The following ZDBF2 variants were observed in gnomAD, a reference collection of about 807,000 sequenced individuals.
The protein encoded by ZDBF2 is DBF4-type zinc finger-containing protein 2.
Under a neutral mutation model 9.4 loss-of-function variants are expected in ZDBF2, and 6 were observed. The observed-to-expected ratio is 0.64, with a 90% confidence interval of 0.35 to 1.27. The LOEUF (loss-of-function observed/expected upper bound fraction) is 1.27, where lower values mean the gene tolerates loss of function less well. ZDBF2 is among the 50% of genes most tolerant of loss of function. The pLI, the probability that ZDBF2 is intolerant of heterozygous loss-of-function variation, is 0.03. For missense variants in ZDBF2, 2,697 were observed against 2,766.8 expected, an observed-to-expected ratio of 0.97 and a Z score of 0.57; for synonymous variants, 905 against 946.3, an observed-to-expected ratio of 0.96 and a Z score of 0.80.
At chr2:206,276,842 A>G (rs1691032194) in intron 1 of ZDBF2, among the ~76,000 whole-genome samples, 1 of 152,240 alleles carries the variant, frequency 6.6e-6, no homozygotes, top group Non-Finnish European at 1.5e-5. Context: ...TATTTTATTA[A>G]GACTGAATAG....
chr2:206,294,078 C>T (rs1014420965), intron 3 of ZDBF2, among the ~76,000 whole-genome samples: 1 of 151,910 alleles, frequency 6.6e-6, no homozygotes, highest in Non-Finnish European at 1.5e-5. Flanking sequence ...ACAGATTCAG[C>T]CAATATGTAT....
chr2:206,307,688 G>T lies in ZDBF2; in HGVS notation c.3160G>T (p.Asp1054Tyr). 6.2e-7 allele frequency: 1 copy of T among 1,613,394 alleles called. No individual in the cohort carries two copies. Among genetic ancestry groups the T allele is most frequent in the South Asian group, 1.1e-5 (1 of 90,880 alleles). ...DSNVPPQSMT[D>Y]QPQLAFLKEK... Reference sequence around the variant, plus strand: ...TAATGTTCCACCTCAGTCAATGACTGACCAACCTCAACTAGCTTTTTTGAA... The same window carrying T: ...TAATGTTCCACCTCAGTCAATGACTTACCAACCTCAACTAGCTTTTTTGAA... The change falls in exon 5 of 5, where the codon GAC becomes TAC. Residue 1054 changes from aspartate (D) to tyrosine (Y), a missense_variant. By Grantham distance (160) the Asp-to-Tyr change is radical. Transcript: ENST00000374423.
chr2:206,307,463 T>C lies in ZDBF2; in HGVS notation c.2935T>C (p.Trp979Arg). The change falls in exon 5 of 5, where the codon TGG becomes CGG. Residue 979 changes from tryptophan to arginine, a missense_variant. Physicochemically the swap from Trp to Arg is moderately radical, Grantham distance 101 (BLOSUM62 -3). Around this residue, in one of 3 missense-constraint regions of ZDBF2, gnomAD observed 1,783 missense variants for 1,776.5 expected, o/e 1.00. Coordinates refer to ENST00000374423, the MANE Select transcript of ZDBF2 (RefSeq NM_020923.3). The part of the protein sequence containing the change: ...HKPEVIVKET[W>R]LQREKHAEFQ... ...ACCTGAAGTAATTGTCAAAGAAACA[T>C]GGCTTCAAAGAGAAAAGCACGCTGA... The C allele has an allele frequency of 6.2e-7, 1 of 1,612,342 alleles. No homozygotes were observed. The highest frequency in any genetic ancestry group is 8.5e-7 in the Non-Finnish European group (1 of 1,179,366).
In ZDBF2 at chr2:206,312,152, T is replaced by C. The variant is rs1433312471; in HGVS notation, c.*559T>C. 6.6e-6 allele frequency: 1 copy of C among 152,204 alleles called. No homozygotes were observed. Among genetic ancestry groups the C allele is most frequent in the Non-Finnish European group, 1.5e-5 (1 of 68,024 alleles). 9.4% of individuals were successfully genotyped at this position (152,204 alleles called of 1,614,324 possible). A position where few individuals can be genotyped will look rare whatever the true frequency, so the allele number is the denominator to read the frequency against. ...CAAACTCCTCCTGCTTCATTTAAAT[T>C]GGATCTGCAAGTCTCTAACTTTTAT... On this transcript the variant is annotated 3_prime_UTR_variant, in exon 5 of 5. Coordinates refer to ENST00000374423, the MANE Select transcript of ZDBF2 (RefSeq NM_020923.3).
rs1383571477 is a variant in ZDBF2, at chr2:206,305,734, A to G, written c.1206A>G (p.Arg402=). Residue 402 remains arginine, a synonymous_variant, in exon 5 of 5, where the codon AGA becomes AGG. Coordinates refer to ENST00000374423, the MANE Select transcript of ZDBF2 (RefSeq NM_020923.3). ...QIDQEDNYES[R]GSEMSFDCSS... ...ACCAAGAAGATAACTATGAGTCTAG[A>G]GGTTCAGAAATGAGTTTTGATTGCA... The G allele has an allele frequency of 6.2e-7, 1 of 1,613,650 alleles. No homozygotes were observed. Among genetic ancestry groups the G allele is most frequent in the East Asian group, 2.2e-5 (1 of 44,876 alleles).
In ZDBF2 at chr2:206,305,701, G is replaced by A. The variant is rs1692746778; in HGVS notation, c.1173G>A (p.Glu391=). Reference sequence around the variant, plus strand: ...AAGACTTAAGTCTTTGGAAGGAGGAGCAAATTGACCAAGAAGATAACTATG... The same window carrying A: ...AAGACTTAAGTCTTTGGAAGGAGGAACAAATTGACCAAGAAGATAACTATG... ...TAQDLSLWKE[E]QIDQEDNYES... is the part of the protein sequence containing the mutation. Residue 391 remains glutamate, a synonymous_variant, in exon 5 of 5, where the codon GAG becomes GAA. Coordinates refer to ENST00000374423, the MANE Select transcript of ZDBF2 (RefSeq NM_020923.3). 3 of 1,613,734 alleles carry A rather than the reference G, an allele frequency of 1.9e-6. No individual in the cohort carries two copies. The highest frequency in any genetic ancestry group is 2.5e-6 in the Non-Finnish European group (3 of 1,179,798).
Position 206,307,829 on chromosome 2 carries a change from G to A in ZDBF2, c.3301G>A (p.Val1101Ile), listed in dbSNP as rs1314070551. The change falls in exon 5 of 5, where the codon GTT becomes ATT. Residue 1101 changes from valine (V) to isoleucine (I), a missense_variant. Val to Ile is a conservative substitution (Grantham distance 29). This residue lies in a region of ZDBF2 where 1,783 missense variants were observed against 1,776.5 expected (regional missense o/e 1.00). Transcript: ENST00000374423. ...VKKIDQWKEE[V>I]IGLKNKINEP... ...AAAAATAGACCAATGGAAGGAAGAG[G>A]TTATTGGCCTGAAAAATAAGATTAA... is the stretch of plus-strand genomic sequence containing the variant. The A allele has an allele frequency of 6.2e-7, 1 of 1,611,774 alleles. No homozygotes were observed. Among genetic ancestry groups the A allele is most frequent in the East Asian group, 2.2e-5 (1 of 44,874 alleles).
At position 206,307,002 on chromosome 2, in the gene ZDBF2, G is replaced by A. The variant is rs561719362; in HGVS notation, c.2474G>A (p.Cys825Tyr). 9 of 1,613,616 alleles carry A rather than the reference G, an allele frequency of 5.6e-6. No individual in the cohort carries two copies. The East Asian group carries it at 2.0e-4, about 36-fold the overall frequency. Reference sequence around the variant, plus strand: ...CTGGAAAGTAAAAGTAATGAATCTTGTGTCTCTGAAATAACTTTTGATTCT... The same window carrying A: ...CTGGAAAGTAAAAGTAATGAATCTTATGTCTCTGAAATAACTTTTGATTCT... ...VDLESKSNES[C>Y]VSEITFDSDI... is the part of the protein sequence containing the mutation. The change falls in exon 5 of 5, where the codon TGT becomes TAT. Residue 825 changes from cysteine (C) to tyrosine (Y), a missense_variant. By Grantham distance (194) the Cys-to-Tyr change is radical (BLOSUM62 -2). This residue lies in a region of ZDBF2 where 910 missense variants were observed against 973.6 expected (regional missense o/e 0.93). Transcript: ENST00000374423.
chr2:206,297,583 A>G (rs1692258630), intron 4 of ZDBF2, among the ~76,000 whole-genome samples: 2 of 152,218 alleles, frequency 1.3e-5, no homozygotes, highest in Admixed American at 1.3e-4. Flanking sequence ...GTTTTTTTCT[A>G]AATAAAAGTC....
At chr2:206,292,604 C>A (rs139554354) in intron 3 of ZDBF2, among the ~76,000 whole-genome samples, 256 of 152,094 alleles carry the variant, frequency 1.7e-3, no homozygotes, top group Non-Finnish European at 3.0e-3. Flanking sequence ...ATTATTTATA[C>A]ACAACATGAT....
rs1692692955 is a variant in ZDBF2 at position 206,304,933 on chromosome 2, A to G, written c.405A>G (p.Pro135=). The G allele has an allele frequency of 6.2e-7, 1 of 1,613,566 alleles. No homozygotes were observed. The highest frequency in any genetic ancestry group is 1.1e-5 in the South Asian group (1 of 91,058). The part of the protein sequence containing the change: ...QEGTQEVSVR[P]SVIQKLEKGQ... ...GCACGCAGGAGGTTTCAGTTCGACC[A>G]TCAGTTATTCAAAAACTGGAGAAGG... The change falls in exon 5 of 5, where the codon CCA becomes CCG. Residue 135 remains proline (P), a synonymous_variant. Coordinates refer to ENST00000374423, the MANE Select transcript of ZDBF2 (RefSeq NM_020923.3).
chr2:206,290,503 C>T (rs1170736248), intron 3 of ZDBF2, among the ~76,000 whole-genome samples: 4 of 152,182 alleles, frequency 2.6e-5, no homozygotes, highest in Non-Finnish European at 4.4e-5. Flanking sequence ...TTTCCATTTA[C>T]GCAGAGCTTT....
chr2:206,305,253 C>G lies in ZDBF2; in HGVS notation c.725C>G (p.Ser242Cys). The change falls in exon 5 of 5, where the codon TCC becomes TGC. Residue 242 changes from serine to cysteine, a missense_variant. By Grantham distance (112) the Ser-to-Cys change is moderately radical. Around this residue, in one of 3 missense-constraint regions of ZDBF2, gnomAD observed 910 missense variants for 973.6 expected, o/e 0.93. Coordinates refer to ENST00000374423, the MANE Select transcript of ZDBF2 (RefSeq NM_020923.3). ...GCCTCTAGAAATCCTGTGCCATCAT[C>G]CCATGTAGAAACTACTTCATTTTCG... ...DGASRNPVPS[S>C]HVETTSFSYQ... 3 of 1,613,650 alleles carry G rather than the reference C, an allele frequency of 1.9e-6. No homozygotes were observed. Among genetic ancestry groups the G allele is most frequent in the Admixed American group, 1.7e-5 (1 of 59,906 alleles).
Position 206,283,383 on chromosome 2 carries a change from G to GT in ZDBF2, c.60+1480dup, listed in dbSNP as rs148382880. Among the ~76,000 whole-genome samples, 805 of 149,602 alleles carry GT rather than the reference G, an allele frequency of 5.4e-3. 4 individuals carry two copies. The highest frequency in any genetic ancestry group is 0.017 in the African/African-American group (717 of 40,974). On this transcript the variant is annotated intron_variant, in intron 3 of 4. Coordinates refer to ENST00000374423, the MANE Select transcript of ZDBF2 (RefSeq NM_020923.3). ...GTCAGCACTTGTTGTTGTCTGTTTTGTTTTTTGTTGTTGTTGTTGTTGTTG... is the reference window on the plus strand; with the variant it reads ...GTCAGCACTTGTTGTTGTCTGTTTTGTTTTTTTGTTGTTGTTGTTGTTGTTG...
At position 206,310,063 on chromosome 2, in the gene ZDBF2, T is replaced by C. The variant is rs775735089; in HGVS notation, c.5535T>C (p.Ala1845=). ...GAGAAGATGACATAAAAATTAATGC[T>C]CTGGTGAAGGAGTTTAGGGAAGGTC... ...IMREDDIKIN[A]LVKEFREGRF... is the part of the protein sequence containing the mutation. The change falls in exon 5 of 5, where the codon GCT becomes GCC. Residue 1845 remains alanine, a synonymous_variant. Transcript: ENST00000374423. 8.7e-6 allele frequency: 14 copies of C among 1,613,734 alleles called. No individual in the cohort carries two copies. Among genetic ancestry groups the C allele is most frequent in the Non-Finnish European group, 1.2e-5 (14 of 1,179,858 alleles).
rs766558843 is a variant in ZDBF2, at chr2:206,309,908, A to C, written c.5380A>C (p.Lys1794Gln). Reference sequence around the variant, plus strand: ...TGATTCCCAGTCAAGCTCTGTTCTCAAGGTTGATTCTGTAAGGAACCTGAA... The same window carrying C: ...TGATTCCCAGTCAAGCTCTGTTCTCCAGGTTGATTCTGTAAGGAACCTGAA... ...NHDSQSSSVL[K>Q]VDSVRNLKKA... The change falls in exon 5 of 5, where the codon AAG (lysine) becomes CAG (glutamine). Residue 1794 changes from lysine to glutamine, a missense_variant. Lys to Gln is a moderately conservative substitution (Grantham distance 53). This residue lies in a region of ZDBF2 where 1,783 missense variants were observed against 1,776.5 expected (regional missense o/e 1.00). Transcript: ENST00000374423. The C allele has an allele frequency of 5.0e-6, 8 of 1,613,994 alleles. No homozygotes were observed. In the South Asian group the frequency reaches 8.8e-5, roughly 18 times the overall value.
Position 206,313,271 on chromosome 2 carries a change from G to A in ZDBF2, c.*1678G>A, listed in dbSNP as rs1693275215. ...TAACCTGTGTGTATGCTATGATGGA[G>A]TTCTTTTGTGATTTCTTTACTTCTA... On this transcript the variant is annotated 3_prime_UTR_variant, in exon 5 of 5. Transcript: ENST00000374423. 1 of 152,136 alleles carries A rather than the reference G, an allele frequency of 6.6e-6. No individual in the cohort carries two copies. The highest frequency in any genetic ancestry group is 1.5e-5 in the Non-Finnish European group (1 of 68,014). The allele number at this position is 152,136 out of a possible 1,614,324, so 9.4% of individuals were successfully genotyped here.
At chr2:206,302,891 G>T (rs1692574911) in intron 4 of ZDBF2, among the ~76,000 whole-genome samples, 1 of 152,158 alleles carries the variant, frequency 6.6e-6, no homozygotes, top group Admixed American at 6.5e-5. Flanking sequence ...AAATTTTTAG[G>T]TGTTTATTTT....
At chr2:206,292,227 G>T (rs1356920068) in intron 3 of ZDBF2, 1 of 395,946 alleles carries the variant, frequency 2.5e-6, no homozygotes, top group Non-Finnish European at 4.5e-6. Context: ...ACTTTGCATT[G>T]TTTATAAAGA....
Sources: allele counts gnomAD v4.1 joint callset (sites outside exome capture counted in the v4.1 genomes callset), GRCh38; gene constraint gnomAD v4.1.1; regional missense constraint gnomAD v4.1.1; transcripts MANE v1.5; gene names NCBI Gene and HGNC (gene_info 2026-07-23, HGNC 2026-07-21).